Variants in CNTNAP4 observed in about 807,000 individuals in gnomAD.
CNTNAP4 encodes the protein contactin-associated protein-like 4.
Under a neutral mutation model 148.4 loss-of-function variants are expected in CNTNAP4, and 98 were observed. That is an observed-to-expected ratio of 0.66 (90% confidence interval 0.56 to 0.78). The LOEUF is 0.78. Among genes scored for constraint, CNTNAP4 ranks in the 30% least tolerant of loss-of-function variants. The pLI is 0.00. For synonymous variants in CNTNAP4, 730 were observed against 565.1 expected (o/e 1.29, Z -4.14); for missense variants, 1,935 against 1,565.6 (o/e 1.24, Z -3.98).
At chr16:76,278,261 C>T (rs1309413122) in intron 1 of CNTNAP4, among the ~76,000 whole-genome samples, 1 of 152,172 alleles carries the variant, frequency 6.6e-6, no homozygotes, top group Non-Finnish European at 1.5e-5. Context: ...TTCAGGAGCA[C>T]CAGCACTGGC....
At chr16:76,485,352 G>A (rs192935596) in intron 12 of CNTNAP4, among the ~76,000 whole-genome samples, 1 of 151,948 alleles carries the variant, frequency 6.6e-6, no homozygotes, top group East Asian at 1.9e-4. Flanking sequence ...CCCGACCTTA[G>A]GTGATCCGCC....
intron 15 of CNTNAP4, among the ~76,000 whole-genome samples, chr16:76,505,641 A>G (rs1475041825): frequency 2.0e-5 from 2 of 98,032 alleles, no homozygotes; most frequent in African/African-American, 5.1e-5. Flanking sequence ...TAACATTAAT[A>G]TATTTTAATA....
chr16:76,374,742 C>CTATTATTATTATTATTAG (rs2015230321), intron 3 of CNTNAP4, among the ~76,000 whole-genome samples: 1 of 131,616 alleles, frequency 7.6e-6, no homozygotes, highest in Non-Finnish European at 1.7e-5. Flanking sequence ...GACTATGACA[C>CTATTATTATTATTATTAG]TATTATTATT....
At chr16:76,284,454 C>A (rs1356762167) in intron 1 of CNTNAP4, among the ~76,000 whole-genome samples, 2 of 151,928 alleles carry the variant, frequency 1.3e-5, no homozygotes, top group African/African-American at 4.8e-5. Flanking sequence ...ACAAAAATTA[C>A]AGAGTTTTGG....
intron 14 of CNTNAP4, among the ~76,000 whole-genome samples, chr16:76,496,780 C>CATGTTATTCATT (rs2082415849): frequency 6.6e-6 from 1 of 152,064 alleles, no homozygotes; most frequent in South Asian, 2.1e-4. Flanking sequence ...ATAACATTTA[C>CATGTTATTCATT]TGAATATTCA....
intron 2 of CNTNAP4, among the ~76,000 whole-genome samples, chr16:76,325,804 G>A (rs28729787): frequency 0.027 from 4,114 of 152,042 alleles, 190 homozygotes; most frequent in African/African-American, 0.094. Flanking sequence ...TGGAAAACAA[G>A]CATGTAATAC....
At position 76,277,518 on chromosome 16, in the gene CNTNAP4, A is replaced by AG; in HGVS notation, c.-142dup. ...GGGAGGAGGGAAGAAGAAAAGACGG[A>AG]GGGAGGTGAGGAGGAAGGGAGGGGG... On this transcript the variant is annotated 5_prime_UTR_variant, in exon 1 of 24. Transcript: ENST00000611870. 1.7e-6 allele frequency: 1 copy of AG among 595,928 alleles called. No homozygotes were observed. Among genetic ancestry groups the AG allele is most frequent in the Non-Finnish European group, 3.0e-6 (1 of 335,754 alleles). The allele number at this position is 595,928 out of a possible 1,614,324, so 36.9% of individuals were successfully genotyped here.
At chr16:76,464,797 T>C (rs528242914) in intron 9 of CNTNAP4, among the ~76,000 whole-genome samples, 48 of 152,336 alleles carry the variant, frequency 3.2e-4, no homozygotes, top group African/African-American at 1.1e-3. Flanking sequence ...CATCACTTTT[T>C]ACTCTGTAGC....
chr16:76,548,038 G>A lies in CNTNAP4; in HGVS notation c.3443-5245G>A, dbSNP rs2084807887. Among the ~76,000 whole-genome samples the A allele has an allele frequency of 2.0e-5, 3 of 152,304 alleles. No individual in the cohort carries two copies. The South Asian group carries it at 6.2e-4, about 32-fold the overall frequency. On this transcript the variant is annotated intron_variant, in intron 21 of 23. Coordinates refer to ENST00000611870, the MANE Select transcript of CNTNAP4 (RefSeq NM_033401.5). ...TGCTGAAAGCAAAAGGGAAATACCTGCCACTGTAAGATAGCTGCCTGTACA... is the reference window on the plus strand; with the variant it reads ...TGCTGAAAGCAAAAGGGAAATACCTACCACTGTAAGATAGCTGCCTGTACA...
intron 3 of CNTNAP4, among the ~76,000 whole-genome samples, chr16:76,358,322 C>T (rs763264981): frequency 1.3e-5 from 2 of 152,132 alleles, no homozygotes; most frequent in Non-Finnish European, 2.9e-5. Flanking sequence ...GGTGACAGAG[C>T]AAGACTCCAT....
chr16:76,349,026 T>A (rs1431394330), intron 2 of CNTNAP4, among the ~76,000 whole-genome samples: 2 of 151,888 alleles, frequency 1.3e-5, no homozygotes, highest in Non-Finnish European at 2.9e-5. Flanking sequence ...GTGAGAAGGA[T>A]CAGCACAAGC....
At chr16:76,546,651 A>C (rs61434059) in intron 21 of CNTNAP4, among the ~76,000 whole-genome samples, 9,760 of 152,156 alleles carry the variant, frequency 0.064, 560 homozygotes, top group East Asian at 0.27. Context: ...GTGCACAATA[A>C]ATGTAATGCA....
intron 4 of CNTNAP4, among the ~76,000 whole-genome samples, chr16:76,434,118 AAT>A (rs1269438183): frequency 1.3e-5 from 2 of 148,726 alleles, no homozygotes; most frequent in African/African-American, 4.9e-5. Context: ...GTATAATTAA[AAT>A]ATATATATTT....
At chr16:76,471,832 G>T (rs554962840) in intron 10 of CNTNAP4, among the ~76,000 whole-genome samples, 3 of 152,142 alleles carry the variant, frequency 2.0e-5, no homozygotes, top group African/African-American at 7.2e-5. Context: ...AAAGTTTTGC[G>T]GAAGAATGTA....
rs59957582 is a variant in CNTNAP4 at position 76,328,901 on chromosome 16, G to T, written c.196+12378G>T. 2.6e-5 allele frequency among the ~76,000 whole-genome samples: 4 copies of T among 152,186 alleles called. No individual in the cohort carries two copies. The East Asian group carries it at 7.7e-4, about 29-fold the overall frequency. ...CTCAGGTGATCCACCTGCCTCAGCC[G>T]CCCAAAGTGCTGGGCGTGAGCCACT... On this transcript the variant is annotated intron_variant, in intron 2 of 23. Coordinates refer to ENST00000611870, the MANE Select transcript of CNTNAP4 (RefSeq NM_033401.5).
chr16:76,459,517 A>C (rs1010488623), intron 8 of CNTNAP4, among the ~76,000 whole-genome samples: 2 of 152,196 alleles, frequency 1.3e-5, no homozygotes, highest in African/African-American at 4.8e-5. Flanking sequence ...GTTAGACCAT[A>C]TATGTCCAGG....
chr16:76,439,093 C>T (rs1336962868), intron 4 of CNTNAP4, among the ~76,000 whole-genome samples: 1 of 152,134 alleles, frequency 6.6e-6, no homozygotes, highest in African/African-American at 2.4e-5. Context: ...TTTGCCTGCT[C>T]TCTTCCTTCG....
chr16:76,522,027 T>C lies in CNTNAP4; in HGVS notation c.2537-12T>C. On this transcript the variant is annotated splice_polypyrimidine_tract_variant and intron_variant, in intron 16 of 23. Transcript: ENST00000611870. ...AACTCACTAGAACAATCTTTATGTG[T>C]AATATTTCCAGCTCCGACAGTAGTG... 1 of 1,613,050 alleles carries C rather than the reference T, an allele frequency of 6.2e-7. No individual in the cohort carries two copies. The highest frequency in any genetic ancestry group is 8.5e-7 in the Non-Finnish European group (1 of 1,179,012).
intron 2 of CNTNAP4, among the ~76,000 whole-genome samples, chr16:76,342,023 C>T (rs773060028): frequency 1.9e-4 from 29 of 152,240 alleles, no homozygotes; most frequent in Admixed American, 4.6e-4. Flanking sequence ...CATTTATTGA[C>T]GTAGAAGGAT....
Sources: gnomAD v4.1 joint callset for allele counts (sites outside exome capture counted in the v4.1 genomes callset) on GRCh38, gnomAD v4.1.1 for gene constraint, MANE v1.5 for transcripts, NCBI Gene and HGNC (gene_info 2026-07-23, HGNC 2026-07-21) for gene names.